Variants in ZFR observed in about 807,000 individuals in gnomAD.
ZFR encodes zinc finger RNA-binding protein.
ZFR carries 19 observed loss-of-function variants against 130.7 expected under a neutral mutation model. The ratio of observed to expected loss-of-function variants is 0.15; its 90% CI spans 0.10 to 0.21. The LOEUF (loss-of-function observed/expected upper bound fraction) is 0.21. ZFR is among the 10% of genes least tolerant of loss of function. The pLI, the probability that ZFR is intolerant of heterozygous loss-of-function variation, is 1.00. For synonymous variants in ZFR, 466 were observed against 456.9 expected (o/e 1.02, Z -0.25); for missense variants, 872 against 1,321.5 (o/e 0.66, Z 5.27).
intron 17 of ZFR, among the ~76,000 whole-genome samples, chr5:32,377,287 C>T (rs1018980558): frequency 3.3e-5 from 5 of 151,076 alleles, no homozygotes; most frequent in Non-Finnish European, 7.4e-5. Flanking sequence ...GGCTGGAGTG[C>T]AGTGGCGTGA....
At chr5:32,387,941 TTC>T (rs772646482) in intron 13 of ZFR, among the ~76,000 whole-genome samples, 18 of 152,182 alleles carry the variant, frequency 1.2e-4, no homozygotes, top group Non-Finnish European at 2.6e-4. Context: ...ACATTAACAC[TTC>T]TGTTTCTTAT....
intron 13 of ZFR, 93 bp downstream of exon 13, chr5:32,388,376 C>A: frequency 1.7e-6 from 2 of 1,200,582 alleles, no homozygotes; most frequent in Non-Finnish European, 2.4e-6. Flanking sequence ...AGAACTCACA[C>A]CAGAGTTACC....
intron 2 of ZFR, among the ~76,000 whole-genome samples, chr5:32,425,620 T>C (rs1754056768): frequency 1.3e-5 from 2 of 152,128 alleles, no homozygotes; most frequent in Non-Finnish European, 2.9e-5. Context: ...CTCCGCCTCC[T>C]AGGTCAAGCA....
At chr5:32,379,288 A>G in intron 16 of ZFR, 78 bp from the exon 17 acceptor site, 1 of 1,240,580 alleles carries the variant, frequency 8.1e-7, no homozygotes, top group Non-Finnish European at 1.2e-6. Context: ...AAGTTAAAAT[A>G]CCACCGTTCA....
chr5:32,381,140 G>T (rs984374874), intron 15 of ZFR, among the ~76,000 whole-genome samples: 1 of 152,158 alleles, frequency 6.6e-6, no homozygotes, highest in Non-Finnish European at 1.5e-5. Flanking sequence ...GAGTGGAAAA[G>T]ATGCTGATCC....
chr5:32,377,092 C>T (rs1380183267), intron 17 of ZFR, among the ~76,000 whole-genome samples: 1 of 145,984 alleles, frequency 6.9e-6, no homozygotes, highest in African/African-American at 2.5e-5. Context: ...GGAGGCGGAG[C>T]TTGCAGTGAG....
chr5:32,423,370 T>G (rs1371913873), intron 2 of ZFR, among the ~76,000 whole-genome samples: 1 of 151,698 alleles, frequency 6.6e-6, no homozygotes, highest in African/African-American at 2.4e-5. Context: ...TTTTAAAAAA[T>G]GAACAGACAA....
chr5:32,388,817 G>C, intron 12 of ZFR, 143 bp from the exon 13 acceptor site: 1 of 778,058 alleles, frequency 1.3e-6, no homozygotes, highest in Non-Finnish European at 2.0e-6. Context: ...AAACGAAAAT[G>C]CAAACTATGG....
rs1753028795 is a variant in ZFR, at chr5:32,385,658, T to C, written c.2500-9A>G. On this transcript the variant is annotated splice_polypyrimidine_tract_variant and intron_variant, in intron 14 of 19. Transcript: ENST00000265069. ...TTCTCAGGGCTTATAACCTGTGTAA[T>C]GAAGATGATAAGAAACAAATTGGAT... The C allele has an allele frequency of 1.5e-5, 24 of 1,610,730 alleles. No individual in the cohort carries two copies. Among genetic ancestry groups the C allele is most frequent in the Non-Finnish European group, 1.7e-5 (20 of 1,178,598 alleles).
chr5:32,361,114 T>A (rs1752421972), intron 19 of ZFR, among the ~76,000 whole-genome samples: 1 of 152,200 alleles, frequency 6.6e-6, no homozygotes, highest in African/African-American at 2.4e-5. Flanking sequence ...TGTGCCTGGC[T>A]CTAACCTGTT....
intron 7 of ZFR, among the ~76,000 whole-genome samples, chr5:32,403,668 T>C (rs1349392421): frequency 2.0e-5 from 3 of 152,208 alleles, no homozygotes; most frequent in Non-Finnish European, 2.9e-5. Flanking sequence ...AATGATCACA[T>C]GACAATTCCC....
chr5:32,354,922 TG>T lies in ZFR; in HGVS notation c.*837del, dbSNP rs1297191277. ...ATATTCAGAAAGTTATTTTTGGCCTTGCTATGTCAAAAAGTCAACTGTACAA... is the reference window on the plus strand; with the variant it reads ...ATATTCAGAAAGTTATTTTTGGCCTTCTATGTCAAAAAGTCAACTGTACAA... On this transcript the variant is annotated 3_prime_UTR_variant, in exon 20 of 20. Transcript: ENST00000265069. The T allele has an allele frequency of 6.6e-6, 1 of 152,226 alleles. No individual in the cohort carries two copies. Among genetic ancestry groups the T allele is most frequent in the Non-Finnish European group, 1.5e-5 (1 of 68,036 alleles). 9.4% of individuals were successfully genotyped at this position (152,226 alleles called of 1,614,324 possible). A position where few individuals can be genotyped will look rare whatever the true frequency, so the allele number is the denominator to read the frequency against.
At chr5:32,438,252 A>ATTTTTTTTTTTTTTTTTT (rs1561930577) in intron 2 of ZFR, among the ~76,000 whole-genome samples, 2 of 83,476 alleles carry the variant, frequency 2.4e-5, no homozygotes. Context: ...TTTATCTGAA[A>ATTTTTTTTTTTTTTTTTT]ATTTTTTTTT....
intron 5 of ZFR, among the ~76,000 whole-genome samples, chr5:32,411,864 C>G (rs182684199): frequency 3.3e-5 from 5 of 152,174 alleles, no homozygotes; most frequent in African/African-American, 1.2e-4. Flanking sequence ...AATATTATGT[C>G]ATTTTATATA....
At position 32,388,475 on chromosome 5, in the gene ZFR, T is replaced by C. The variant is rs1012785339; in HGVS notation, c.2342A>G (p.Lys781Arg). 1.2e-6 allele frequency: 2 copies of C among 1,613,602 alleles called. No individual in the cohort carries two copies. Among genetic ancestry groups the C allele is most frequent in the African/African-American group, 2.7e-5 (2 of 74,916 alleles). The change falls in exon 13 of 20, where the codon AAA becomes AGA. Residue 781 changes from lysine (K) to arginine (R), a missense_variant. Coordinates refer to ENST00000265069, the MANE Select transcript of ZFR (RefSeq NM_016107.5). ...KEGDDKKEGG[K>R]DRALKGVLRV... ...AATAACTTTCAAAACACACCTGTCT[T>C]TACCTCCCTCTTTCTTATCATCTCC...
intron 2 of ZFR, among the ~76,000 whole-genome samples, chr5:32,421,898 ACTC>A (rs1282711128): frequency 6.6e-6 from 1 of 152,026 alleles, no homozygotes; most frequent in Non-Finnish European, 1.5e-5. Flanking sequence ...TCTAGGAACA[ACTC>A]CATATCTGTA....
chr5:32,415,066 A>T lies in ZFR; in HGVS notation c.687T>A (p.Pro229=), dbSNP rs546731156. 1.9e-5 allele frequency: 31 copies of T among 1,614,146 alleles called. No homozygotes were observed. In the African/African-American group the frequency reaches 2.0e-4, roughly 10 times the overall value. ...CTACTGGCTGTACGGTGGAGGATAC[A>T]GGATAGATGGAGAAAGTAGTGGTAG... ...SPATTTFSIY[P]VSSTVQPVAA... is the part of the protein sequence containing the mutation. Residue 229 remains proline, a synonymous_variant, in exon 5 of 20, where the codon CCT becomes CCA. Coordinates refer to ENST00000265069, the MANE Select transcript of ZFR (RefSeq NM_016107.5).
At chr5:32,416,925 T>TTA (rs397958122) in intron 4 of ZFR, among the ~76,000 whole-genome samples, 16 of 147,592 alleles carry the variant, frequency 1.1e-4, no homozygotes, top group Non-Finnish European at 2.1e-4. Context: ...TTTTTTTTTT[T>TTA]ATTATACTTT....
At chr5:32,403,772 T>C (rs1399744364) in intron 7 of ZFR, 134 bp downstream of exon 7, 1 of 732,566 alleles carries the variant, frequency 1.4e-6, no homozygotes, top group African/African-American at 1.8e-5. Context: ...CTTTATGTAT[T>C]ATTAGCACAT....
Sources: allele counts gnomAD v4.1 joint callset (sites outside exome capture counted in the v4.1 genomes callset), GRCh38; gene constraint gnomAD v4.1.1; transcripts MANE v1.5; gene names NCBI Gene and HGNC (gene_info 2026-07-23, HGNC 2026-07-21).